The following RANBP2 variants were observed in gnomAD, a reference collection of about 807,000 sequenced individuals.
RANBP2 encodes the protein E3 SUMO-protein ligase RanBP2.
Under a neutral mutation model 303.6 loss-of-function variants are expected in RANBP2, and 57 were observed. That is an observed-to-expected ratio of 0.19 (90% CI 0.15 to 0.23). The LOEUF is 0.23. RANBP2 is among the 10% of genes least tolerant of loss of function. RANBP2 has a pLI of 1.00. For missense variants in RANBP2, 3,138 were observed against 3,780.8 expected (o/e 0.83, Z 4.46); for synonymous variants, 1,167 against 1,301.5 (o/e 0.90, Z 2.23).
intron 9 of RANBP2, among the ~76,000 whole-genome samples, chr2:108,749,841 A>G (rs919614104): frequency 1.3e-5 from 2 of 151,706 alleles, no homozygotes; most frequent in Admixed American, 6.6e-5. Flanking sequence ...TGATCCTCCT[A>G]CCTAAGCCCC....
At chr2:108,839,133 A>G in the RANBP2 span, 2 of 1,518,484 alleles carry the variant, frequency 1.3e-6, no homozygotes, top group Non-Finnish European at 1.8e-6. Context: ...TTGATTTAAG[A>G]CATTTAAAAA....
At chr2:108,724,782 A>G (rs1311627560) in intron 1 of RANBP2, among the ~76,000 whole-genome samples, 1 of 151,816 alleles carries the variant, frequency 6.6e-6, no homozygotes, top group East Asian at 1.9e-4. Flanking sequence ...ATGGTTCAGT[A>G]TCTAGACTTT....
chr2:109,370,512 T>G, the RANBP2 span, among the ~76,000 whole-genome samples: 1 of 152,166 alleles, frequency 6.6e-6, no homozygotes, highest in Admixed American at 6.5e-5. Context: ...GTGCTGTGAT[T>G]ACAGGCATGA....
rs971649218 is a variant in RANBP2 at position 108,783,926 on chromosome 2, T to A, written c.*25T>A. On this transcript the variant is annotated 3_prime_UTR_variant, in exon 29 of 29. Coordinates refer to ENST00000283195, the MANE Select transcript of RANBP2 (RefSeq NM_006267.5). ...AAATCATTGTTGTTCATAGAAAATTTCATCTGTATAAGCAGTTGGATTGAA... is the reference window on the plus strand; with the variant it reads ...AAATCATTGTTGTTCATAGAAAATTACATCTGTATAAGCAGTTGGATTGAA... 1.9e-6 allele frequency: 3 copies of A among 1,581,760 alleles called. No homozygotes were observed. The highest frequency in any genetic ancestry group is 1.7e-5 in the Admixed American group (1 of 59,918).
At chr2:109,664,232 AAAC>A in the RANBP2 span, among the ~76,000 whole-genome samples, 1 of 152,242 alleles carries the variant, frequency 6.6e-6, no homozygotes, top group African/African-American at 2.4e-5. Flanking sequence ...ATAGAAATTC[AAAC>A]AACAATATGA....
the RANBP2 span, among the ~76,000 whole-genome samples, chr2:109,415,838 C>G: frequency 6.6e-6 from 1 of 152,168 alleles, no homozygotes; most frequent in African/African-American, 2.4e-5. Flanking sequence ...CTCTGAAATT[C>G]ATGTTGAAAT....
At chr2:109,701,352 C>T in the RANBP2 span, among the ~76,000 whole-genome samples, 1 of 152,114 alleles carries the variant, frequency 6.6e-6, no homozygotes, top group Non-Finnish European at 1.5e-5. Flanking sequence ...GTGATATGGC[C>T]TCAGGATGTG....
chr2:109,535,992 G>T, the RANBP2 span, among the ~76,000 whole-genome samples: 1 of 140,910 alleles, frequency 7.1e-6, no homozygotes, highest in Non-Finnish European at 1.5e-5. Context: ...CCTCTGCCTA[G>T]ATTTCAGATG....
chr2:109,413,394 G>A, the RANBP2 span, among the ~76,000 whole-genome samples: 5 of 152,156 alleles, frequency 3.3e-5, no homozygotes, highest in Non-Finnish European at 7.3e-5. Context: ...GATTACAGGC[G>A]TGAGCCACCA....
chr2:109,518,620 G>T, the RANBP2 span, among the ~76,000 whole-genome samples: 1 of 152,150 alleles, frequency 6.6e-6, no homozygotes, highest in Admixed American at 6.5e-5. Flanking sequence ...GCAAATATGT[G>T]CATACTGAAT....
At chr2:109,192,766 A>G in the RANBP2 span, among the ~76,000 whole-genome samples, 2 of 152,226 alleles carry the variant, frequency 1.3e-5, no homozygotes, top group Non-Finnish European at 2.9e-5. Flanking sequence ...CCACCCATGG[A>G]AGTCACAGCA....
chr2:109,519,977 G>A, the RANBP2 span, among the ~76,000 whole-genome samples: 1 of 152,172 alleles, frequency 6.6e-6, no homozygotes, highest in African/African-American at 2.4e-5. Flanking sequence ...CTGAGGAGGT[G>A]GTTGCATGCA....
the RANBP2 span, among the ~76,000 whole-genome samples, chr2:109,630,859 A>T: frequency 1.3e-5 from 2 of 152,198 alleles, no homozygotes; most frequent in African/African-American, 4.8e-5. Context: ...TAAGGTCAGG[A>T]GTTCGAGACC....
the RANBP2 span, among the ~76,000 whole-genome samples, chr2:109,648,861 C>T: frequency 2.6e-5 from 4 of 151,844 alleles, no homozygotes; most frequent in Non-Finnish European, 5.9e-5. Context: ...AGCATCTTGG[C>T]CAGACTGGTC....
chr2:109,206,248 T>C, the RANBP2 span, among the ~76,000 whole-genome samples: 2 of 151,956 alleles, frequency 1.3e-5, no homozygotes, highest in African/African-American at 2.4e-5. Flanking sequence ...CCCAGCACTT[T>C]GGGAGGCTGA....
chr2:108,772,063 C>T (rs2149298277), intron 21 of RANBP2, among the ~76,000 whole-genome samples, 192 bp downstream of exon 21: 1 of 152,258 alleles, frequency 6.6e-6, no homozygotes, highest in East Asian at 1.9e-4. Context: ...ATTAAGCAAG[C>T]ATTTTTTGGA....
At chr2:108,774,539 G>A (rs564221285) in intron 23 of RANBP2, among the ~76,000 whole-genome samples, 17 of 152,234 alleles carry the variant, frequency 1.1e-4, no homozygotes, top group African/African-American at 4.1e-4. Flanking sequence ...GCTGTTTTCT[G>A]GAAGAGACTT....
the RANBP2 span, among the ~76,000 whole-genome samples, chr2:109,522,365 C>T: frequency 6.6e-6 from 1 of 151,486 alleles, no homozygotes; most frequent in Non-Finnish European, 1.5e-5. Flanking sequence ...AATCTCGGCT[C>T]ACTGCAACCT....
the RANBP2 span, among the ~76,000 whole-genome samples, chr2:109,306,821 G>T: frequency 6.6e-6 from 1 of 152,224 alleles, no homozygotes; most frequent in East Asian, 1.9e-4. Flanking sequence ...GTATTTCCTA[G>T]GTTGCTCTGG....
Sources: gnomAD v4.1 joint callset for allele counts (sites outside exome capture counted in the v4.1 genomes callset) on GRCh38, gnomAD v4.1.1 for gene constraint, MANE v1.5 for transcripts, NCBI Gene and HGNC (gene_info 2026-07-23, HGNC 2026-07-21) for gene names.